The following MBP variants were observed in gnomAD, a reference collection of about 807,000 sequenced individuals.
The protein encoded by MBP is myelin basic protein.
A neutral mutation model predicts 35.8 loss-of-function variants in MBP; 16 were observed. The observed-to-expected ratio is 0.45, with a 90% CI of 0.30 to 0.68. MBP has a LOEUF of 0.68. MBP is among the 30% of genes least tolerant of loss of function. MBP has a pLI of 0.08. For synonymous variants in MBP, 143 were observed against 159.6 expected, an observed-to-expected ratio of 0.90 and a Z score of 0.78; for missense variants, 380 against 404.7, an observed-to-expected ratio of 0.94 and a Z score of 0.52.
intron 2 of MBP, among the ~76,000 whole-genome samples, chr18:77,071,015 G>A (rs979909998): frequency 4.3e-4 from 65 of 152,174 alleles, no homozygotes; most frequent in African/African-American, 1.5e-3. Context: ...CACATTGTAG[G>A]TGAAAATACG....
At chr18:77,000,016 TG>T (rs1050611020) in intron 4 of MBP, among the ~76,000 whole-genome samples, 4 of 152,126 alleles carry the variant, frequency 2.6e-5, no homozygotes, top group African/African-American at 9.7e-5. Context: ...ACTCAGATGC[TG>T]GGGGGCATCC....
chr18:77,120,670 T>G (rs1432037094), intron 1 of MBP, among the ~76,000 whole-genome samples: 1 of 152,116 alleles, frequency 6.6e-6, no homozygotes, highest in Non-Finnish European at 1.5e-5. Context: ...GCAAGAAAAG[T>G]TCACCCGAGA....
intron 1 of MBP, among the ~76,000 whole-genome samples, chr18:77,123,489 C>T (rs1976950140): frequency 6.6e-6 from 1 of 152,220 alleles, no homozygotes; most frequent in Admixed American, 6.5e-5. Flanking sequence ...TTCAGATGAG[C>T]TGTGTCGACC....
At chr18:77,031,737 G>A (rs1011754958) in intron 3 of MBP, among the ~76,000 whole-genome samples, 1 of 152,254 alleles carries the variant, frequency 6.6e-6, no homozygotes, top group African/African-American at 2.4e-5. Context: ...GGAGGGCATT[G>A]CCCGTGCAGC....
chr18:76,996,101 C>T (rs1970252468), intron 4 of MBP, among the ~76,000 whole-genome samples: 1 of 152,174 alleles, frequency 6.6e-6, no homozygotes, highest in Non-Finnish European at 1.5e-5. Context: ...TCAGCATCAT[C>T]ATTAGCATCA....
At chr18:76,984,045 T>TGGA (rs1969382418) in intron 8 of MBP, 3 of 152,206 alleles carry the variant, frequency 2.0e-5, no homozygotes, top group Admixed American at 2.0e-4. Flanking sequence ...CGGCCCTGCC[T>TGGA]GGAGCTTCAT....
intron 2 of MBP, among the ~76,000 whole-genome samples, chr18:77,067,642 G>A (rs1029557048): frequency 3.9e-5 from 6 of 152,146 alleles, no homozygotes; most frequent in South Asian, 2.1e-4. Context: ...GGGCAGCCGC[G>A]CTGGCCCTGG....
intron 4 of MBP, among the ~76,000 whole-genome samples, chr18:76,991,337 C>T (rs568865309): frequency 3.3e-5 from 5 of 152,070 alleles, no homozygotes; most frequent in Admixed American, 6.5e-5. Flanking sequence ...GTAAGCACTG[C>T]GAGAGGTTAG....
At chr18:76,995,274 C>T (rs1444606410) in intron 4 of MBP, among the ~76,000 whole-genome samples, 2 of 152,176 alleles carry the variant, frequency 1.3e-5, no homozygotes, top group Non-Finnish European at 2.9e-5. Flanking sequence ...CCAAATCGAT[C>T]TACAGGTTTA....
At chr18:77,100,062 T>A (rs895640955) in intron 2 of MBP, among the ~76,000 whole-genome samples, 1 of 152,212 alleles carries the variant, frequency 6.6e-6, no homozygotes, top group Admixed American at 6.5e-5. Context: ...ACTGTGATCC[T>A]CCTGAATCTA....
At chr18:76,997,752 G>T (rs941403390) in intron 4 of MBP, among the ~76,000 whole-genome samples, 3 of 150,458 alleles carry the variant, frequency 2.0e-5, no homozygotes, top group Non-Finnish European at 3.0e-5. Context: ...GCGCGACCTC[G>T]GCTCACTGCA....
upstream of MBP, among the ~76,000 whole-genome samples, chr18:77,133,078 T>C (rs1190761974): frequency 8.6e-5 from 13 of 151,988 alleles, no homozygotes; most frequent in Non-Finnish European, 1.3e-4. Flanking sequence ...GTTCGGAGGC[T>C]TGGCCTCCGA....
intron 2 of MBP, among the ~76,000 whole-genome samples, chr18:77,073,708 G>A (rs1974541148): frequency 6.6e-6 from 1 of 152,172 alleles, no homozygotes; most frequent in African/African-American, 2.4e-5. Context: ...CAGAATACGG[G>A]TGGATCCTGC....
At chr18:77,113,868 G>C (rs965555376) in intron 1 of MBP, 1 of 152,210 alleles carries the variant, frequency 6.6e-6, no homozygotes, top group African/African-American at 2.4e-5. Context: ...TGCAAGCCGG[G>C]AATTCTCTGC....
At chr18:77,009,666 T>C (rs1367556795) in intron 4 of MBP, among the ~76,000 whole-genome samples, 1 of 152,246 alleles carries the variant, frequency 6.6e-6, no homozygotes, top group African/African-American at 2.4e-5. Flanking sequence ...ATTTGTCTCT[T>C]CCTGCAGCTG....
At chr18:76,985,896 G>A in intron 7 of MBP, 1 of 986,648 alleles carries the variant, frequency 1.0e-6, no homozygotes, top group Non-Finnish European at 1.2e-6. Flanking sequence ...GGCCTCATCA[G>A]CCCCAGCAGC....
intron 2 of MBP, among the ~76,000 whole-genome samples, chr18:77,072,697 A>G (rs1974499396): frequency 6.6e-6 from 1 of 152,216 alleles, no homozygotes; most frequent in Non-Finnish European, 1.5e-5. Context: ...GCCACTTCTC[A>G]GGGGCTCTGG....
chr18:77,074,658 A>G (rs1044947510), intron 2 of MBP, among the ~76,000 whole-genome samples: 1 of 152,148 alleles, frequency 6.6e-6, no homozygotes, highest in Non-Finnish European at 1.5e-5. Context: ...TGGGAAGGAA[A>G]GGGAAGCCAG....
intron 2 of MBP, among the ~76,000 whole-genome samples, chr18:77,072,602 A>T (rs193024901): frequency 6.6e-6 from 1 of 152,382 alleles, no homozygotes; most frequent in East Asian, 1.9e-4. Flanking sequence ...AGAAGCACAC[A>T]AAACTATTGA....
Sources: allele counts gnomAD v4.1 joint callset (sites outside exome capture counted in the v4.1 genomes callset), GRCh38; gene constraint gnomAD v4.1.1; transcripts MANE v1.5; gene names NCBI Gene and HGNC (gene_info 2026-07-23, HGNC 2026-07-21).